Variants in NASP observed in about 807,000 individuals in gnomAD.
NASP encodes nuclear autoantigenic sperm protein, also known as NASP histone chaperone.
In NASP, 24 loss-of-function variants were observed where a neutral mutation model predicts 89.5. That is an observed-to-expected ratio of 0.27 (90% CI 0.19 to 0.38). NASP has a LOEUF of 0.38. Among genes scored for constraint, NASP ranks in the 10% least tolerant of loss-of-function variants. The probability of loss-of-function intolerance (pLI) is 1.00; values close to 1 mark genes in which losing one functional copy is unlikely to be tolerated. For missense variants in NASP, 848 were observed against 921.4 expected (o/e 0.92, Z 1.03); for synonymous variants, 306 against 324.7 (o/e 0.94, Z 0.62).
At chr1:45,617,733 T>A in intron 14 of NASP, 142 bp downstream of exon 14, 1 of 1,073,572 alleles carries the variant, frequency 9.3e-7, no homozygotes, top group Non-Finnish European at 1.3e-6. Context: ...ACGGTACTTG[T>A]GCAGGAAAAC....
intron 1 of NASP, among the ~76,000 whole-genome samples, chr1:45,586,280 GTGTGGTGTGTGTGTGTGT>G (rs1340009069): frequency 0.071 from 3,210 of 45,308 alleles, 92 homozygotes; most frequent in African/African-American, 0.17. Flanking sequence ...GTGTGTGTGT[GTGTGGTGTGTGTGTGTGT>G]GTGTGTGTGT....
chr1:45,586,281 TGTG>T (rs1303021273), intron 1 of NASP, among the ~76,000 whole-genome samples: 32 of 36,620 alleles, frequency 8.7e-4, no homozygotes, highest in African/African-American at 2.5e-3. Flanking sequence ...TGTGTGTGTG[TGTG>T]GTGTGTGTGT....
In NASP at chr1:45,617,539, G is replaced by A. The variant is rs1557668826; in HGVS notation, c.2234G>A (p.Ser745Asn). Residue 745 changes from serine to asparagine, a missense_variant, in exon 14 of 15, where the codon AGT (serine) becomes AAT (asparagine). Ser to Asn is a conservative substitution (Grantham distance 46). Around this residue, in one of 5 missense-constraint regions of NASP, gnomAD observed 218 missense variants for 219.6 expected, o/e 0.99. Coordinates refer to ENST00000350030, the MANE Select transcript of NASP (RefSeq NM_002482.4). ...AKQEPEVNGGSGDAVPSGNEV... is the reference protein window; with the variant it reads ...AKQEPEVNGGNGDAVPSGNEV... ...CAAGAGCCGGAGGTGAACGGAGGCA[G>A]TGGGGATGCTGTCCCCAGTGGAAAT... The A allele has an allele frequency of 6.2e-7, 1 of 1,608,628 alleles. No individual in the cohort carries two copies. The highest frequency in any genetic ancestry group is 8.5e-7 in the Non-Finnish European group (1 of 1,178,362).
intron 1 of NASP, chr1:45,588,589 A>G: frequency 2.2e-6 from 1 of 450,144 alleles, no homozygotes; most frequent in South Asian, 1.6e-5. Flanking sequence ...CCTTAACCCT[A>G]TCTTTGACTA....
At chr1:45,610,587 A>G (rs1294353330) in intron 6 of NASP, 1 of 152,174 alleles carries the variant, frequency 6.6e-6, no homozygotes, top group African/African-American at 2.4e-5. Flanking sequence ...TGCTTCTAAT[A>G]AAGATAATTG....
intron 2 of NASP, among the ~76,000 whole-genome samples, chr1:45,599,355 C>A (rs1016986427): frequency 6.6e-6 from 1 of 152,172 alleles, no homozygotes; most frequent in Non-Finnish European, 1.5e-5. Flanking sequence ...GATCCTCCCA[C>A]CTTCGCCTCC....
At chr1:45,597,903 C>T (rs1204937556) in intron 2 of NASP, among the ~76,000 whole-genome samples, 1 of 152,114 alleles carries the variant, frequency 6.6e-6, no homozygotes, top group African/African-American at 2.4e-5. Flanking sequence ...CAGATTTAAC[C>T]GTTTGTTGAC....
chr1:45,606,660 C>T (rs1283016404), intron 5 of NASP, 69 bp downstream of exon 5: 15 of 1,077,424 alleles, frequency 1.4e-5, no homozygotes, highest in Middle Eastern at 2.6e-4. Context: ...GTGGTGGAAA[C>T]GGGGCTCTAC....
chr1:45,610,028 G>T (rs1643976324), intron 6 of NASP: 1 of 152,120 alleles, frequency 6.6e-6, no homozygotes, highest in Non-Finnish European at 1.5e-5. Flanking sequence ...TTGAAACTTT[G>T]ACTCTACTAA....
Position 45,607,374 on chromosome 1 carries a change from G to T in NASP, c.463G>T (p.Glu155Ter), listed in dbSNP as rs759202853. ...GGTTTATGACGCCATGGGAGAAAAA[G>T]AAGAAGCCAAAAAAACAGAAGACAA... ...EQVYDAMGEK[E>*]EAKKTEDKSL... The change falls in exon 6 of 15, where the codon GAA (glutamate) becomes TAA (stop). Residue 155 changes from glutamate to a stop codon, truncating the protein, a stop_gained. Transcript: ENST00000350030. LOFTEE classifies it high-confidence loss of function. 1.9e-6 allele frequency: 3 copies of T among 1,613,828 alleles called. No homozygotes were observed. The highest frequency in any genetic ancestry group is 2.5e-6 in the Non-Finnish European group (3 of 1,179,900).
rs547450516 is a variant in NASP at position 45,617,571 on chromosome 1, T to G, written c.2266T>G (p.Ser756Ala). The part of the protein sequence containing the change: ...GDAVPSGNEV[S>A]ENMEEEAENQ... ...TGCTGTCCCCAGTGGAAATGAAGTT[T>G]CGGAAAACATGGAGGAGGAGGTGGG... The change falls in exon 14 of 15, where the codon TCG becomes GCG. Residue 756 changes from serine (S) to alanine (A), a missense_variant. By Grantham distance (99) the Ser-to-Ala change is moderately conservative (BLOSUM62 1). Transcript: ENST00000350030. 1.2e-5 allele frequency: 19 copies of G among 1,595,600 alleles called. No individual in the cohort carries two copies. In the East Asian group the frequency reaches 3.1e-4, roughly 26 times the overall value.
At position 45,616,391 on chromosome 1, in the gene NASP, A is replaced by G. The variant is rs1644105891; in HGVS notation, c.2077A>G (p.Met693Val). 1.9e-6 allele frequency: 3 copies of G among 1,613,962 alleles called. No homozygotes were observed. Among genetic ancestry groups the G allele is most frequent in the Non-Finnish European group, 1.7e-6 (2 of 1,179,806 alleles). ...TGGTGGAGGAGGCTCTTCAGTCTCC[A>G]TGGTGCGTATTCAGGTGGTTTTTTG... is the stretch of plus-strand genomic sequence containing the variant. ...TPGGGGSSVSMIASRKPTDGA... is the reference protein window; with the variant it reads ...TPGGGGSSVSVIASRKPTDGA... Residue 693 changes from methionine to valine, a missense_variant and splice_region_variant, in exon 12 of 15, where the codon ATG (methionine) becomes GTG (valine). Physicochemically the swap from Met to Val is conservative, Grantham distance 21. Coordinates refer to ENST00000350030, the MANE Select transcript of NASP (RefSeq NM_002482.4).
intron 3 of NASP, among the ~76,000 whole-genome samples, chr1:45,604,216 C>T (rs962604697): frequency 1.3e-5 from 2 of 152,174 alleles, no homozygotes; most frequent in East Asian, 1.9e-4. Context: ...CAGTATTTTA[C>T]TCCATGAAAG....
intron 2 of NASP, among the ~76,000 whole-genome samples, chr1:45,597,180 G>A (rs1459847895): frequency 4.0e-5 from 6 of 150,838 alleles, no homozygotes; most frequent in East Asian, 2.0e-4. Context: ...GGTGGTGCCC[G>A]CTTTTAATCC....
At chr1:45,600,809 G>GT (rs1195411704) in intron 2 of NASP, among the ~76,000 whole-genome samples, 1 of 152,156 alleles carries the variant, frequency 6.6e-6, no homozygotes, top group Non-Finnish European at 1.5e-5. Context: ...AGCAGTGTTT[G>GT]ACAGTTCTAG....
At chr1:45,591,455 G>T (rs1330132016) in intron 2 of NASP, among the ~76,000 whole-genome samples, 185 bp downstream of exon 2, 1 of 152,224 alleles carries the variant, frequency 6.6e-6, no homozygotes, top group Non-Finnish European at 1.5e-5. Context: ...CTGGGCTCAA[G>T]CAATCTTCCC....
chr1:45,584,696 C>T (rs1482882279), intron 1 of NASP, among the ~76,000 whole-genome samples: 2 of 151,738 alleles, frequency 1.3e-5, no homozygotes, highest in African/African-American at 2.4e-5. Context: ...CGGGGCCTTG[C>T]TGAGGGCGGG....
At chr1:45,616,949 A>G (rs1250919552) in intron 13 of NASP, among the ~76,000 whole-genome samples, 1 of 152,032 alleles carries the variant, frequency 6.6e-6, no homozygotes, top group African/African-American at 2.4e-5. Context: ...GGTTCAAGTG[A>G]TTCTCCTGCC....
intron 7 of NASP, 112 bp downstream of exon 7, chr1:45,613,360 C>T (rs1644049183): frequency 1.6e-6 from 2 of 1,244,154 alleles, no homozygotes; most frequent in South Asian, 1.6e-5. Flanking sequence ...GATCATGGCT[C>T]ACTGCAGCCT....
Sources: gnomAD v4.1 joint callset for allele counts (sites outside exome capture counted in the v4.1 genomes callset) on GRCh38, gnomAD v4.1.1 for gene constraint, gnomAD v4.1.1 regional missense constraint, MANE v1.5 for transcripts, NCBI Gene and HGNC (gene_info 2026-07-23, HGNC 2026-07-21) for gene names.